The following CCDC88C variants were observed in gnomAD, a reference collection of about 807,000 sequenced individuals.
CCDC88C encodes the protein coiled-coil and HOOK domain protein 88C.
Under a neutral mutation model 198.8 loss-of-function variants are expected in CCDC88C, and 131 were observed. That is an observed-to-expected ratio of 0.66 (90% CI 0.57 to 0.76). The LOEUF (loss-of-function observed/expected upper bound fraction) is 0.76, where lower values mean the gene tolerates loss of function less well. Ranked by LOEUF, CCDC88C falls within the 30% of genes least tolerant of loss-of-function variation. CCDC88C has a pLI of 0.00. For synonymous variants in CCDC88C, 1,166 were observed against 1,114.7 expected, an observed-to-expected ratio of 1.05 and a Z score of -0.92; for missense variants, 2,553 against 2,631.6, an observed-to-expected ratio of 0.97 and a Z score of 0.65.
chr14:91,363,783 C>G (rs1894411281), intron 3 of CCDC88C, among the ~76,000 whole-genome samples: 1 of 152,280 alleles, frequency 6.6e-6, no homozygotes, highest in Non-Finnish European at 1.5e-5. Flanking sequence ...CTACTGGGCC[C>G]CAACACCAGG....
intron 13 of CCDC88C, among the ~76,000 whole-genome samples, chr14:91,316,790 C>T (rs1480114326): frequency 6.6e-6 from 1 of 152,220 alleles, no homozygotes; most frequent in African/African-American, 2.4e-5. Flanking sequence ...TGATGGACCC[C>T]TCATCTTTCT....
rs1383635420 is a variant in CCDC88C at position 91,321,321 on chromosome 14, G to A, written c.1343-17C>T. On this transcript the variant is annotated splice_polypyrimidine_tract_variant and intron_variant, in intron 12 of 29. Transcript: ENST00000389857. Reference sequence around the variant, plus strand: ...TCCTGGAGGCTGAAGACAAAGTCCAGTCAGAGCCCAGTGGTCTGTGGGCCT... The same window carrying A: ...TCCTGGAGGCTGAAGACAAAGTCCAATCAGAGCCCAGTGGTCTGTGGGCCT... 4.5e-6 allele frequency: 7 copies of A among 1,550,044 alleles called. No individual in the cohort carries two copies. Among genetic ancestry groups the A allele is most frequent in the Non-Finnish European group, 4.4e-6 (5 of 1,147,072 alleles).
intron 20 of CCDC88C, among the ~76,000 whole-genome samples, chr14:91,303,166 C>T (rs1891381328): frequency 6.6e-6 from 1 of 152,118 alleles, no homozygotes; most frequent in Admixed American, 6.5e-5. Flanking sequence ...CAGGCCTGGC[C>T]TCAGGCCCCG....
chr14:91,342,529 G>A, intron 5 of CCDC88C, 66 bp from the exon 6 acceptor site: 1 of 1,010,578 alleles, frequency 9.9e-7, no homozygotes, highest in Non-Finnish European at 1.5e-6. Flanking sequence ...GTCCACCACA[G>A]CCACAGAATG....
At chr14:91,307,904 A>G (rs957916314) in intron 17 of CCDC88C, among the ~76,000 whole-genome samples, 4 of 152,218 alleles carry the variant, frequency 2.6e-5, no homozygotes, top group Non-Finnish European at 4.4e-5. Context: ...ACACACATCT[A>G]TATGTGTATG....
In CCDC88C at chr14:91,289,208, C is replaced by G. The variant is rs776494698; in HGVS notation, c.4338G>C (p.Ala1446=). The G allele has an allele frequency of 1.1e-5, 17 of 1,613,834 alleles. No homozygotes were observed. Among genetic ancestry groups the G allele is most frequent in the Non-Finnish European group, 1.4e-5 (17 of 1,179,880 alleles). ...CCTGTGATCTGAGCGGCTGAGAGGCCGCCGGCGAGGCGGGGTCTGAGGACT... is the reference window on the plus strand; with the variant it reads ...CCTGTGATCTGAGCGGCTGAGAGGCGGCCGGCGAGGCGGGGTCTGAGGACT... ...QLESSDPASP[A]ASQPLRSQAE... is the part of the protein sequence containing the mutation. Residue 1446 remains alanine (A), a synonymous_variant, in exon 25 of 30, where the codon GCG becomes GCC. Transcript: ENST00000389857.
chr14:91,360,252 T>TCACACACACACACACACA (rs57026211), intron 3 of CCDC88C, among the ~76,000 whole-genome samples: 114 of 144,312 alleles, frequency 7.9e-4, no homozygotes, highest in East Asian at 2.9e-3. Flanking sequence ...GACCCCATCT[T>TCACACACACACACACACA]CACACACACA....
rs1319502533 is a variant in CCDC88C at position 91,297,333 on chromosome 14, G to A, written c.3938C>T (p.Ser1313Leu). 3.1e-6 allele frequency: 5 copies of A among 1,613,546 alleles called. No individual in the cohort carries two copies. Among genetic ancestry groups the A allele is most frequent in the South Asian group, 1.1e-5 (1 of 90,976 alleles). Residue 1313 changes from serine (S) to leucine (L), a missense_variant, in exon 22 of 30, where the codon TCG becomes TTG. By Grantham distance (145) the Ser-to-Leu change is moderately radical. Coordinates refer to ENST00000389857, the MANE Select transcript of CCDC88C (RefSeq NM_001080414.4). ...LKEQHQTMDISLTKLDNHCEL... is the reference protein window; with the variant it reads ...LKEQHQTMDILLTKLDNHCEL... ...ACAGTGGTTGTCCAGCTTGGTCAGC[G>A]AGATGTCCATGGTCTGGTGCTGCTC...
intron 10 of CCDC88C, among the ~76,000 whole-genome samples, chr14:91,333,430 T>C (rs971762311): frequency 6.6e-5 from 10 of 152,222 alleles, no homozygotes; most frequent in Non-Finnish European, 1.0e-4. Context: ...GTTGGTGTAG[T>C]GTGTTCTTGG....
intron 10 of CCDC88C, among the ~76,000 whole-genome samples, chr14:91,335,608 C>G (rs1893016665): frequency 6.6e-6 from 1 of 152,202 alleles, no homozygotes. Flanking sequence ...TGCATCCTAA[C>G]CATGTGCTGC....
intron 28 of CCDC88C, among the ~76,000 whole-genome samples, chr14:91,278,543 C>T (rs1178709780): frequency 6.6e-6 from 1 of 152,216 alleles, no homozygotes; most frequent in Non-Finnish European, 1.5e-5. Context: ...GCTAAATGTA[C>T]AGGGAAGGTT....
At chr14:91,292,965 C>A (rs60010139) in intron 23 of CCDC88C, among the ~76,000 whole-genome samples, 50,054 of 152,018 alleles carry the variant, frequency 0.33, 9,219 homozygotes, top group Non-Finnish European at 0.42. Flanking sequence ...CCTTTTCCAG[C>A]CTTCTCTCTG....
chr14:91,330,306 G>A (rs1892765237), intron 10 of CCDC88C, among the ~76,000 whole-genome samples: 1 of 152,232 alleles, frequency 6.6e-6, no homozygotes, highest in Admixed American at 6.5e-5. Flanking sequence ...GAGAGAGTGG[G>A]GCTGGGCTGA....
chr14:91,393,720 G>A (rs1288550411), intron 3 of CCDC88C, among the ~76,000 whole-genome samples: 2 of 152,170 alleles, frequency 1.3e-5, no homozygotes, highest in Non-Finnish European at 2.9e-5. Context: ...CGGGCATGGT[G>A]GCCCATGCCT....
At chr14:91,328,532 G>A (rs184894644) in intron 10 of CCDC88C, among the ~76,000 whole-genome samples, 1 of 152,280 alleles carries the variant, frequency 6.6e-6, no homozygotes, top group East Asian at 1.9e-4. Flanking sequence ...AACAGCTGAG[G>A]GGACCACACT....
intron 10 of CCDC88C, among the ~76,000 whole-genome samples, chr14:91,331,451 C>G (rs1175699818): frequency 1.4e-4 from 21 of 152,202 alleles, no homozygotes. Flanking sequence ...GCAAGGCAGA[C>G]CAGGCCACAG....
Position 91,338,286 on chromosome 14 carries a change from G to C in CCDC88C, c.892-123C>G, listed in dbSNP as rs955308317. 2.9e-5 allele frequency: 35 copies of C among 1,227,552 alleles called. No individual in the cohort carries two copies. In the South Asian group the frequency reaches 4.4e-4, roughly 16 times the overall value. The allele number at this position is 1,227,552 out of a possible 1,614,324, so 76.0% of individuals were successfully genotyped here. A position where few individuals can be genotyped will look rare whatever the true frequency, so the allele number is the denominator to read the frequency against. ...CAGGACAAGCCAGCTCCTGGTGGCC[G>C]GGGGCCTCCATGTGCCACCACCACA... On this transcript the variant is annotated intron_variant, in intron 9 of 29. Transcript: ENST00000389857. The surrounding 1 kb of genome is among the most constrained non-coding windows in gnomAD (Gnocchi z 4.8).
chr14:91,389,761 GAA>G (rs1007814029), intron 3 of CCDC88C, among the ~76,000 whole-genome samples: 1 of 147,434 alleles, frequency 6.8e-6, no homozygotes, highest in African/African-American at 2.5e-5. Context: ...ACGAAAGAAA[GAA>G]AAAAAAAGAG....
intron 3 of CCDC88C, chr14:91,384,474 A>T (rs868137537): frequency 5.7e-6 from 3 of 525,262 alleles, no homozygotes; most frequent in Admixed American, 3.9e-5. Context: ...CATAGTCTGG[A>T]TCATTTTCCT....
Sources: allele counts gnomAD v4.1 joint callset (sites outside exome capture counted in the v4.1 genomes callset), GRCh38; gene constraint gnomAD v4.1.1; non-coding constraint Gnocchi (gnomAD v3.1); transcripts MANE v1.5; gene names NCBI Gene and HGNC (gene_info 2026-07-23, HGNC 2026-07-21).